ENDOV: variants seen among roughly 807,000 people sequenced by gnomAD.
The protein encoded by ENDOV is endonuclease V.
Under a neutral mutation model 39.4 loss-of-function variants are expected in ENDOV, and 37 were observed. That is an observed-to-expected ratio of 0.94 (90% confidence interval 0.72 to 1.23). ENDOV has a LOEUF of 1.23. Ranked by LOEUF, ENDOV falls within the 50% of genes most tolerant of loss-of-function variation. The pLI is 0.00. For missense variants in ENDOV, 441 were observed against 375.7 expected, an observed-to-expected ratio of 1.17 and a Z score of -1.44; for synonymous variants, 186 against 163.4, an observed-to-expected ratio of 1.14 and a Z score of -1.05.
chr17:80,419,598 G>A (rs766935666), intron 2 of ENDOV: 11 of 702,974 alleles, frequency 1.6e-5, no homozygotes, highest in South Asian at 1.3e-4. Context: ...CTGCCTTCAG[G>A]TAGCAAAACA....
At chr17:80,425,453 G>T (rs2082577826) in intron 6 of ENDOV, 39 bp from the exon 7 acceptor site, 2 of 1,571,230 alleles carry the variant, frequency 1.3e-6, no homozygotes, top group South Asian at 2.3e-5. Context: ...GGTCCCGGTG[G>T]CCCAGCCCAC....
intron 2 of ENDOV, chr17:80,416,941 G>C (rs2081294686): frequency 6.6e-6 from 1 of 152,272 alleles, no homozygotes; most frequent in Non-Finnish European, 1.5e-5. Flanking sequence ...TTTTTGTAGA[G>C]ACAGGATCTC....
intron 9 of ENDOV, 129 bp from the exon 10 acceptor site, chr17:80,436,004 C>T: frequency 9.8e-7 from 1 of 1,016,024 alleles, no homozygotes; most frequent in Non-Finnish European, 1.5e-6. Context: ...TTCCTCCCAC[C>T]TCGGCCTCCC....
At position 80,428,515 on chromosome 17, in the gene ENDOV, A is replaced by T; in HGVS notation, c.715-81A>T. On this transcript the variant is annotated intron_variant, in intron 7 of 9. Transcript: ENST00000518137. ...CTGAGTGGGCTTCTGTGGGGGATGGAGGCATTGCCAGCAGCAGCTCCTGGT... is the reference window on the plus strand; with the variant it reads ...CTGAGTGGGCTTCTGTGGGGGATGGTGGCATTGCCAGCAGCAGCTCCTGGT... 20 of 1,362,976 alleles carry T rather than the reference A, an allele frequency of 1.5e-5. No individual in the cohort carries two copies. In the South Asian group the frequency reaches 2.6e-4, roughly 18 times the overall value. The allele number at this position is 1,362,976 out of a possible 1,614,324, so 84.4% of individuals were successfully genotyped here.
intron 8 of ENDOV, among the ~76,000 whole-genome samples, chr17:80,429,439 T>C (rs371414560): frequency 1.4e-4 from 21 of 152,314 alleles, no homozygotes; most frequent in African/African-American, 4.6e-4. Context: ...GGATTCGCCC[T>C]GCCCTCGCCC....
chr17:80,427,259 CGA>C (rs1201480403), intron 7 of ENDOV, among the ~76,000 whole-genome samples: 1 of 152,202 alleles, frequency 6.6e-6, no homozygotes, highest in Admixed American at 6.5e-5. Flanking sequence ...TGTGGTCTTC[CGA>C]GAGAGAACCC....
In ENDOV at chr17:80,437,578, G is replaced by C. The variant is rs2083634039; in HGVS notation, c.*1435G>C. The C allele has an allele frequency of 6.6e-6, 1 of 152,496 alleles. No homozygotes were observed. 9.4% of individuals were successfully genotyped at this position (152,496 alleles called of 1,614,324 possible). A position where few individuals can be genotyped will look rare whatever the true frequency, so the allele number is the denominator to read the frequency against. On this transcript the variant is annotated 3_prime_UTR_variant, in exon 10 of 10. Coordinates refer to ENST00000518137, the MANE Select transcript of ENDOV (RefSeq NM_173627.5). ...TGCAGGTGTGTGCCAGGGGTCTTCA[G>C]CCCCGGCTGATGGCCACATGAACCA...
intron 9 of ENDOV, chr17:80,430,184 A>C: frequency 6.7e-7 from 1 of 1,486,292 alleles, no homozygotes; most frequent in Non-Finnish European, 8.9e-7. Flanking sequence ...ACGGTGCCTC[A>C]GAGGACAGAT....
intron 6 of ENDOV, 127 bp downstream of exon 6, chr17:80,425,227 A>G: frequency 2.2e-6 from 2 of 895,170 alleles, no homozygotes; most frequent in Non-Finnish European, 1.7e-6. Flanking sequence ...CTGCCCGTCC[A>G]TCCATCCTCC....
chr17:80,425,598 G>T lies in ENDOV; in HGVS notation c.692G>T (p.Arg231Leu). 6.3e-7 allele frequency: 1 copy of T among 1,587,580 alleles called. No homozygotes were observed. Residue 231 changes from arginine to leucine, a missense_variant, in exon 7 of 10, where the codon CGG becomes CTG. Transcript: ENST00000518137. ...VRLTCCCCRF[R>L]IPEPVRQADI... is the part of the protein sequence containing the mutation. ...CTGACTTGCTGCTGCTGCAGGTTCCGGATCCCAGAGCCCGTGCGCCAGGTG... is the reference window on the plus strand; with the variant it reads ...CTGACTTGCTGCTGCTGCAGGTTCCTGATCCCAGAGCCCGTGCGCCAGGTG...
In ENDOV at chr17:80,436,435, G is replaced by T; in HGVS notation, c.*292G>T. 8.0e-7 allele frequency: 1 copy of T among 1,246,646 alleles called. No homozygotes were observed. The highest frequency in any genetic ancestry group is 1.1e-6 in the Non-Finnish European group (1 of 946,114). 77.2% of individuals were successfully genotyped at this position (1,246,646 alleles called of 1,614,324 possible). A position where few individuals can be genotyped will look rare whatever the true frequency, so the allele number is the denominator to read the frequency against. On this transcript the variant is annotated 3_prime_UTR_variant, in exon 10 of 10. Coordinates refer to ENST00000518137, the MANE Select transcript of ENDOV (RefSeq NM_173627.5). ...TTTCAAGGATGCTCTTCATCCAGCTGAAGACGGTCCCTTCTAGTCCTAATT... is the reference window on the plus strand; with the variant it reads ...TTTCAAGGATGCTCTTCATCCAGCTTAAGACGGTCCCTTCTAGTCCTAATT...
At chr17:80,424,354 A>T (rs1234336771) in intron 5 of ENDOV, 13 of 399,854 alleles carry the variant, frequency 3.3e-5, no homozygotes, top group Non-Finnish European at 5.3e-5. Flanking sequence ...GAGCTGTGTC[A>T]GATGTGCCCA....
At chr17:80,420,021 CGTT>C in intron 2 of ENDOV, 1 of 285,896 alleles carries the variant, frequency 3.5e-6, no homozygotes, top group Non-Finnish European at 6.9e-6. Flanking sequence ...GAAAAGGATA[CGTT>C]GGACACCTGT....
intron 9 of ENDOV, among the ~76,000 whole-genome samples, chr17:80,430,729 G>C (rs889736384): frequency 6.6e-6 from 1 of 152,192 alleles, no homozygotes; most frequent in African/African-American, 2.4e-5. Flanking sequence ...GCCAGGCTCT[G>C]TGCCCGGCGG....
At position 80,436,174 on chromosome 17, in the gene ENDOV, C is replaced by A. The variant is rs367544340; in HGVS notation, c.*31C>A. 137 of 1,592,342 alleles carry A rather than the reference C, an allele frequency of 8.6e-5. No individual in the cohort carries two copies. The African/African-American group carries it at 1.8e-3, about 20-fold the overall frequency. ...GTGGTGAGAGCACACGTCCTCGTCT[C>A]ATTCCTGATCGAACGCGGTGGTGAG... On this transcript the variant is annotated 3_prime_UTR_variant, in exon 10 of 10. Transcript: ENST00000518137.
chr17:80,415,843 CTCGAGGCGGG>C (rs1262139380), intron 2 of ENDOV, 22 bp downstream of exon 2: 1 of 1,575,470 alleles, frequency 6.3e-7, no homozygotes, highest in Non-Finnish European at 8.6e-7. Flanking sequence ...GGACGCCGAG[CTCGAGGCGGG>C]CCCCTCGGTG....
chr17:80,426,159 A>G (rs1409108340), intron 7 of ENDOV, among the ~76,000 whole-genome samples: 1 of 152,252 alleles, frequency 6.6e-6, no homozygotes, highest in Non-Finnish European at 1.5e-5. Flanking sequence ...GAAAGGACTC[A>G]GCCTGTGGGC....
At chr17:80,435,902 C>T (rs915744899) in intron 9 of ENDOV, among the ~76,000 whole-genome samples, 2 of 152,038 alleles carry the variant, frequency 1.3e-5, no homozygotes, top group African/African-American at 2.4e-5. Flanking sequence ...AGGCGTGAGC[C>T]ATTGTGTCCG....
At chr17:80,423,496 C>T in intron 4 of ENDOV, 24 bp from the exon 5 acceptor site, 1 of 1,539,132 alleles carries the variant, frequency 6.5e-7, no homozygotes, top group Non-Finnish European at 8.8e-7. Context: ...CCTCCCCAAC[C>T]CCACCCTCCT....
Sources: allele counts gnomAD v4.1 joint callset (sites outside exome capture counted in the v4.1 genomes callset), GRCh38; gene constraint gnomAD v4.1.1; transcripts MANE v1.5; gene names NCBI Gene and HGNC (gene_info 2026-07-23, HGNC 2026-07-21).